The following SEMA4B variants were observed in gnomAD, a reference collection of about 807,000 sequenced individuals.
SEMA4B encodes the protein semaphorin 4B.
In SEMA4B, 55 loss-of-function variants were observed where a neutral mutation model predicts 88.1. That is an observed-to-expected ratio of 0.62 (90% CI 0.50 to 0.78). The LOEUF is 0.78. Ranked by LOEUF, SEMA4B falls within the 30% of genes least tolerant of loss-of-function variation. SEMA4B has a pLI of 0.00. For missense variants in SEMA4B, 1,062 were observed against 1,111.9 expected, an observed-to-expected ratio of 0.96 and a Z score of 0.64; for synonymous variants, 525 against 473.6, an observed-to-expected ratio of 1.11 and a Z score of -1.41.
chr15:90,221,287 G>A, intron 5 of SEMA4B, 80 bp from the exon 6 acceptor site: 2 of 1,321,574 alleles, frequency 1.5e-6, no homozygotes, highest in South Asian at 2.5e-5. Flanking sequence ...AACGGGCAGT[G>A]CTGGGGTCAC....
chr15:90,202,079 C>T (rs1056120605), intron 1 of SEMA4B, among the ~76,000 whole-genome samples: 3 of 152,236 alleles, frequency 2.0e-5, no homozygotes, highest in Non-Finnish European at 4.4e-5. Context: ...GTGCCGCCCC[C>T]GAGGGCGGCT....
upstream of SEMA4B, among the ~76,000 whole-genome samples, chr15:90,198,866 T>C (rs775452383): frequency 3.3e-5 from 5 of 152,082 alleles, no homozygotes; most frequent in Admixed American, 6.6e-5. Context: ...ATCTGGCTTG[T>C]GTTGTGTGTT....
Position 90,212,631 on chromosome 15 carries a change from T to C in SEMA4B, c.158-4808T>C, listed in dbSNP as rs556880968. 5.9e-5 allele frequency among the ~76,000 whole-genome samples: 8 copies of C among 135,438 alleles called. No homozygotes were observed. In the South Asian group the frequency reaches 1.8e-3, roughly 30 times the overall value. 88.9% of individuals were successfully genotyped at this position (135,438 alleles called of 152,430 possible). On this transcript the variant is annotated intron_variant, in intron 1 of 13. Transcript: ENST00000411539. The surrounding 1 kb of genome is among the most constrained non-coding windows in gnomAD (Gnocchi z 4.0). ...TGAGTGCGCAAGCGTGGACAAGCCCTGCGGTACCGTGTACACACACACACA... is the reference window on the plus strand; with the variant it reads ...TGAGTGCGCAAGCGTGGACAAGCCCCGCGGTACCGTGTACACACACACACA...
chr15:90,228,445 C>T lies in SEMA4B; in HGVS notation c.2316C>T (p.Leu772=), dbSNP rs1394623204. 2 of 1,610,704 alleles carry T rather than the reference C, an allele frequency of 1.2e-6. No individual in the cohort carries two copies. Among genetic ancestry groups the T allele is most frequent in the Non-Finnish European group, 8.5e-7 (1 of 1,178,772 alleles). ...PVVLPPETRP[L]NGLGPPSTPL... ...TGCTGCCCCCTGAGACCCGCCCACT[C>T]AACGGCCTAGGGCCCCCTAGCACCC... Residue 772 remains leucine (L), a synonymous_variant, in exon 14 of 14, where the codon CTC becomes CTT. Coordinates refer to ENST00000411539, the MANE Select transcript of SEMA4B (RefSeq NM_198925.4).
Position 90,217,529 on chromosome 15 carries a change from A to ACG in SEMA4B, c.249_250dup (p.Val84AlafsTer246). 6.2e-7 allele frequency: 1 copy of ACG among 1,614,000 alleles called. No individual in the cohort carries two copies. Among genetic ancestry groups the ACG allele is most frequent in the Non-Finnish European group, 8.5e-7 (1 of 1,179,890 alleles). ...CTGAGCAGGGATGGCAGGACCCTGT[A>ACG]CGTGGGTGCTCGAGAGGCCCTCTTT... On this transcript the variant is annotated frameshift_variant, in exon 2 of 14. Transcript: ENST00000411539. LOFTEE classifies it high-confidence loss of function.
At chr15:90,186,889 C>T (rs2151580414) in intron 1 of SEMA4B, among the ~76,000 whole-genome samples, 1 of 152,130 alleles carries the variant, frequency 6.6e-6, no homozygotes, top group Non-Finnish European at 1.5e-5. Flanking sequence ...GCCGAGATTG[C>T]ACCACTGCAC....
chr15:90,211,737 G>T (rs1961276148), intron 1 of SEMA4B, among the ~76,000 whole-genome samples: 1 of 152,172 alleles, frequency 6.6e-6, no homozygotes, highest in South Asian at 2.1e-4. Flanking sequence ...CTTTCAGGAG[G>T]CTCTCTGGGG....
chr15:90,202,088 C>T (rs1244004968), intron 1 of SEMA4B, among the ~76,000 whole-genome samples: 1 of 152,232 alleles, frequency 6.6e-6, no homozygotes, highest in African/African-American at 2.4e-5. Flanking sequence ...CCGAGGGCGG[C>T]TCGGGGTAGA....
At chr15:90,222,254 CTTT>C (rs1156919489) in intron 7 of SEMA4B, among the ~76,000 whole-genome samples, 1 of 68,840 alleles carries the variant, frequency 1.5e-5, no homozygotes, top group African/African-American at 8.4e-5. Flanking sequence ...TTTTTCTTTT[CTTT>C]TTTTTTTTTT....
chr15:90,225,127 C>T lies in SEMA4B; in HGVS notation c.1354C>T (p.His452Tyr), dbSNP rs1962082776. The T allele has an allele frequency of 6.2e-7, 1 of 1,613,398 alleles. No homozygotes were observed. The highest frequency in any genetic ancestry group is 8.5e-7 in the Non-Finnish European group (1 of 1,179,744). ...GGCTCGCTACCAGCGCGTGGCTGTA[C>T]ACCGCGTCCCTGGCCTGCACCACAC... is the stretch of plus-strand genomic sequence containing the variant. ...PQARYQRVAV[H>Y]RVPGLHHTYD... Residue 452 changes from histidine (H) to tyrosine (Y), a missense_variant, in exon 10 of 14, where the codon CAC (histidine) becomes TAC (tyrosine). By Grantham distance (83) the His-to-Tyr change is moderately conservative. Coordinates refer to ENST00000411539, the MANE Select transcript of SEMA4B (RefSeq NM_198925.4).
At chr15:90,208,238 G>A in intron 1 of SEMA4B, among the ~76,000 whole-genome samples, 1 of 149,586 alleles carries the variant, frequency 6.7e-6, no homozygotes, top group African/African-American at 2.5e-5. Flanking sequence ...TGGAAGACAA[G>A]AGCAAAACTC....
Position 90,223,999 on chromosome 15 carries a change from G to C in SEMA4B, c.1194+11G>C. Reference sequence around the variant, plus strand: ...CCCCGGCCTGGAGCGGTGGGTACTGGCTCCCTGCACCCAGAAGGGGTGCCG... The same window carrying C: ...CCCCGGCCTGGAGCGGTGGGTACTGCCTCCCTGCACCCAGAAGGGGTGCCG... On this transcript the variant is annotated intron_variant, in intron 9 of 13. Transcript: ENST00000411539. 1 of 1,604,638 alleles carries C rather than the reference G, an allele frequency of 6.2e-7. No homozygotes were observed. The highest frequency in any genetic ancestry group is 8.5e-7 in the Non-Finnish European group (1 of 1,174,298).
At chr15:90,217,234 C>G (rs983955984) in intron 1 of SEMA4B, 34 of 546,618 alleles carry the variant, frequency 6.2e-5, no homozygotes, top group Non-Finnish European at 1.1e-4. Flanking sequence ...GTACATACAT[C>G]TCTGCATCAT....
intron 1 of SEMA4B, among the ~76,000 whole-genome samples, chr15:90,188,769 G>A (rs1250838946): frequency 1.3e-5 from 2 of 152,070 alleles, no homozygotes; most frequent in Non-Finnish European, 2.9e-5. Flanking sequence ...CCGGATTCAT[G>A]CCATTCTTCT....
At chr15:90,224,863 G>T (rs147326668) in intron 9 of SEMA4B, 105 bp from the exon 10 acceptor site, 6 of 927,642 alleles carry the variant, frequency 6.5e-6, no homozygotes, top group African/African-American at 6.4e-5. Context: ...CCCTGGCTCC[G>T]GGCGGGGGGA....
rs1449557435 is a variant in SEMA4B at position 90,221,036 on chromosome 15, G to A, written c.538G>A (p.Asp180Asn). 3.1e-6 allele frequency: 5 copies of A among 1,611,584 alleles called. No individual in the cohort carries two copies. Among genetic ancestry groups the A allele is most frequent in the Non-Finnish European group, 4.2e-6 (5 of 1,178,904 alleles). The change falls in exon 5 of 14, where the codon GAT becomes AAT. Residue 180 changes from aspartate to asparagine, a missense_variant. Coordinates refer to ENST00000411539, the MANE Select transcript of SEMA4B (RefSeq NM_198925.4). ...CGAGAAGGGGAATGTCCTCCTGGAA[G>A]ATGGCAAGGGCCGTTGTCCCTTCGA... The part of the protein sequence containing the change: ...RDEKGNVLLE[D>N]GKGRCPFDPN...
chr15:90,222,954 G>GTATATA (rs5814418), intron 7 of SEMA4B, among the ~76,000 whole-genome samples: 1 of 130,550 alleles, frequency 7.7e-6, no homozygotes, highest in Non-Finnish European at 1.6e-5. Flanking sequence ...GTAACTCTGT[G>GTATATA]TATATATATA....
chr15:90,215,705 G>A (rs1453348648), intron 1 of SEMA4B, among the ~76,000 whole-genome samples: 2 of 152,042 alleles, frequency 1.3e-5, no homozygotes, highest in Non-Finnish European at 2.9e-5. Flanking sequence ...CCAGCTACTC[G>A]GGAGGCTGAG....
At chr15:90,213,123 T>G (rs1341673398) in intron 1 of SEMA4B, among the ~76,000 whole-genome samples, 2 of 152,254 alleles carry the variant, frequency 1.3e-5, no homozygotes, top group African/African-American at 2.4e-5. Flanking sequence ...TGTATATTAT[T>G]ATTTACATAC....
Sources: gnomAD v4.1 joint callset for allele counts (sites outside exome capture counted in the v4.1 genomes callset) on GRCh38, gnomAD v4.1.1 for gene constraint, Gnocchi (gnomAD v3.1) non-coding constraint, MANE v1.5 for transcripts, NCBI Gene and HGNC (gene_info 2026-07-23, HGNC 2026-07-21) for gene names.